Variants in XKR6 observed in about 807,000 individuals in gnomAD.
The protein encoded by XKR6 is XK related 6.
Under a neutral mutation model 56.7 loss-of-function variants are expected in XKR6, and 22 were observed. That is an observed-to-expected ratio of 0.39 (90% CI 0.28 to 0.55). The LOEUF (loss-of-function observed/expected upper bound fraction) is 0.55, where lower values mean the gene tolerates loss of function less well. Among genes scored for constraint, XKR6 ranks in the 20% least tolerant of loss-of-function variants. The pLI is 0.66. For missense variants in XKR6, 852 were observed against 889.0 expected (o/e 0.96, Z 0.53); for synonymous variants, 524 against 387.8 (o/e 1.35, Z -4.13).
At chr8:10,965,235 G>A (rs1586364831) in intron 1 of XKR6, among the ~76,000 whole-genome samples, 1 of 152,158 alleles carries the variant, frequency 6.6e-6, no homozygotes, top group Non-Finnish European at 1.5e-5. Context: ...TTCCCAGTTC[G>A]GCTCATCTGA....
At chr8:11,097,923 G>C (rs1262920223) in intron 1 of XKR6, among the ~76,000 whole-genome samples, 1 of 149,958 alleles carries the variant, frequency 6.7e-6, no homozygotes, top group East Asian at 2.0e-4. Context: ...TCTAAGGCAA[G>C]ATGAGAATTC....
intron 1 of XKR6, among the ~76,000 whole-genome samples, chr8:11,079,509 T>C (rs6999969): frequency 0.26 from 39,640 of 152,150 alleles, 6,394 homozygotes; most frequent in African/African-American, 0.45. Flanking sequence ...ATAAGATCAT[T>C]TGGAAGTCTA....
intron 1 of XKR6, chr8:11,109,686 T>A (rs966626547): frequency 6.6e-6 from 1 of 152,208 alleles, no homozygotes; most frequent in African/African-American, 2.4e-5. Context: ...GTCGCTTTCA[T>A]TTGTGCTCAG....
chr8:11,006,645 C>G (rs577355463), intron 1 of XKR6, among the ~76,000 whole-genome samples: 1 of 152,236 alleles, frequency 6.6e-6, no homozygotes, highest in African/African-American at 2.4e-5. Flanking sequence ...GGCAGTGAGG[C>G]TTGGTGTTCC....
chr8:10,967,449 C>T (rs1802258868), intron 1 of XKR6, among the ~76,000 whole-genome samples: 1 of 152,174 alleles, frequency 6.6e-6, no homozygotes, highest in South Asian at 2.1e-4. Flanking sequence ...GAGGTGGGAG[C>T]TGGAAAGGCT....
intron 1 of XKR6, among the ~76,000 whole-genome samples, chr8:10,983,333 G>A (rs1194250990): frequency 6.6e-6 from 1 of 151,982 alleles, no homozygotes; most frequent in African/African-American, 2.4e-5. Context: ...ACAGTGATCG[G>A]GAAACAACCA....
At chr8:11,015,383 G>T (rs1006430556) in intron 1 of XKR6, among the ~76,000 whole-genome samples, 1 of 152,086 alleles carries the variant, frequency 6.6e-6, no homozygotes, top group African/African-American at 2.4e-5. Context: ...TTTAGGAAAG[G>T]TTTAGGGGAA....
At chr8:10,992,285 T>TCACA (rs1165880155) in intron 1 of XKR6, among the ~76,000 whole-genome samples, 1 of 144,324 alleles carries the variant, frequency 6.9e-6, no homozygotes, top group African/African-American at 3.0e-5. Flanking sequence ...TCTCTCTCTC[T>TCACA]CTCACACACA....
intron 1 of XKR6, among the ~76,000 whole-genome samples, chr8:10,929,354 C>A (rs1563294352): frequency 6.6e-6 from 1 of 152,366 alleles, no homozygotes; most frequent in East Asian, 1.9e-4. Flanking sequence ...TACCAATATT[C>A]ATTTTACAGA....
At chr8:11,185,892 A>G (rs910574479) in intron 1 of XKR6, among the ~76,000 whole-genome samples, 2 of 152,226 alleles carry the variant, frequency 1.3e-5, no homozygotes, top group Non-Finnish European at 2.9e-5. Flanking sequence ...TAAACTTCAC[A>G]ACTATTTTTA....
In XKR6 at chr8:11,143,476, T is replaced by G. The variant is rs528841671; in HGVS notation, c.764+57100A>C. 5.4e-4 allele frequency among the ~76,000 whole-genome samples: 83 copies of G among 152,352 alleles called. 2 individuals are homozygous for G. The South Asian group carries it at 0.017, about 31-fold the overall frequency. ...AAGAGGACAGAGGAATATGTTGAAT[T>G]ACACCAGCAGAGCGCAGACTGAGAA... On this transcript the variant is annotated intron_variant, in intron 1 of 2. Coordinates refer to ENST00000416569, the MANE Select transcript of XKR6 (RefSeq NM_173683.4).
At position 10,898,316 on chromosome 8, in the gene XKR6, G is replaced by T. The variant is rs1799945469; in HGVS notation, c.1562C>A (p.Pro521His). Residue 521 changes from proline to histidine, a missense_variant, in exon 3 of 3, where the codon CCT becomes CAT. Around this residue, in one of 4 missense-constraint regions of XKR6, gnomAD observed 197 missense variants for 190.9 expected, o/e 1.03. Coordinates refer to ENST00000416569, the MANE Select transcript of XKR6 (RefSeq NM_173683.4). This position sits in a 1 kb window ranked among gnomAD's most constrained non-coding sequence, Gnocchi z 6.6. ...CATGGGCTCAACATCGGGGGGCAAA[G>T]GGATGCCCCAGAGCAGCTCGGCACA... is the stretch of plus-strand genomic sequence containing the variant. ...SCCAELLWGI[P>H]LPPDVEPMAP... The T allele has an allele frequency of 1.1e-5, 17 of 1,613,912 alleles. No individual in the cohort carries two copies. Among genetic ancestry groups the T allele is most frequent in the Non-Finnish European group, 1.4e-5 (17 of 1,179,922 alleles).
intron 1 of XKR6, among the ~76,000 whole-genome samples, chr8:11,054,755 T>C (rs1397076620): frequency 3.3e-5 from 5 of 152,066 alleles, no homozygotes; most frequent in Non-Finnish European, 5.9e-5. Context: ...GGGTGTGATA[T>C]TGCTGGTGTG....
At chr8:11,124,717 G>A (rs1198695285) in intron 1 of XKR6, 3 of 152,588 alleles carry the variant, frequency 2.0e-5, no homozygotes, top group African/African-American at 7.3e-5. Flanking sequence ...ACAGAGATGA[G>A]AAGTGGGCAG....
chr8:10,916,751 A>C (rs1038928857), intron 2 of XKR6, among the ~76,000 whole-genome samples: 10 of 152,230 alleles, frequency 6.6e-5, no homozygotes, highest in Non-Finnish European at 1.3e-4. Flanking sequence ...TGCAGCCAAA[A>C]AGAAAGGCAC....
chr8:11,119,611 G>C (rs925447437), intron 1 of XKR6, among the ~76,000 whole-genome samples: 1 of 152,058 alleles, frequency 6.6e-6, no homozygotes, highest in Non-Finnish European at 1.5e-5. Context: ...TGTTTTATCC[G>C]AGACTAGGAT....
intron 1 of XKR6, chr8:11,066,767 C>A (rs949207865): frequency 1.3e-5 from 2 of 152,152 alleles, no homozygotes; most frequent in Non-Finnish European, 2.9e-5. Flanking sequence ...AGCAGCTCAC[C>A]GAAGACGTAC....
At chr8:10,919,905 G>A (rs1411565773) in intron 2 of XKR6, among the ~76,000 whole-genome samples, 1 of 152,198 alleles carries the variant, frequency 6.6e-6, no homozygotes, top group Non-Finnish European at 1.5e-5. Flanking sequence ...CTGCAGAAAT[G>A]TCCAAATGAC....
intron 1 of XKR6, among the ~76,000 whole-genome samples, chr8:11,044,759 C>G (rs1373619806): frequency 6.6e-6 from 1 of 151,824 alleles, no homozygotes; most frequent in African/African-American, 2.4e-5. Context: ...GCTGGGACTA[C>G]AGGCGAATGC....
Sources: gnomAD v4.1 joint callset for allele counts (sites outside exome capture counted in the v4.1 genomes callset) on GRCh38, gnomAD v4.1.1 for gene constraint, gnomAD v4.1.1 regional missense constraint, Gnocchi (gnomAD v3.1) non-coding constraint, MANE v1.5 for transcripts, NCBI Gene and HGNC (gene_info 2026-07-23, HGNC 2026-07-21) for gene names.